The following PDGFD variants were observed in gnomAD, a reference collection of about 807,000 sequenced individuals.
PDGFD encodes the protein platelet-derived growth factor D.
Under a neutral mutation model 44.7 loss-of-function variants are expected in PDGFD, and 30 were observed. The ratio of observed to expected loss-of-function variants is 0.67; its 90% CI spans 0.50 to 0.91. PDGFD has a LOEUF of 0.91. Among genes scored for constraint, PDGFD ranks in the 40% least tolerant of loss-of-function variants. The pLI, the probability that PDGFD is intolerant of heterozygous loss-of-function variation, is 0.00. For synonymous variants in PDGFD, 173 were observed against 168.4 expected, an observed-to-expected ratio of 1.03 and a Z score of -0.21; for missense variants, 445 against 457.8, an observed-to-expected ratio of 0.97 and a Z score of 0.25.
At chr11:104,047,109 G>A (rs1214647330) in intron 1 of PDGFD, among the ~76,000 whole-genome samples, 1 of 147,128 alleles carries the variant, frequency 6.8e-6, no homozygotes, top group African/African-American at 2.5e-5. Context: ...CATGGTATAT[G>A]TTTGCCACAT....
chr11:103,997,237 G>A (rs371610191), intron 2 of PDGFD, among the ~76,000 whole-genome samples: 2 of 152,136 alleles, frequency 1.3e-5, no homozygotes, highest in African/African-American at 4.8e-5. Flanking sequence ...GGCAAATGAT[G>A]GGCATTCAGG....
chr11:104,106,064 C>T (rs1861468153), intron 1 of PDGFD, among the ~76,000 whole-genome samples: 1 of 152,054 alleles, frequency 6.6e-6, no homozygotes. Flanking sequence ...TAAACCAGCA[C>T]CACAGGGAGT....
intron 1 of PDGFD, among the ~76,000 whole-genome samples, chr11:104,120,833 G>A (rs1861768889): frequency 6.6e-6 from 1 of 151,874 alleles, no homozygotes. Flanking sequence ...GCCTACTACT[G>A]TGATTTTTTC....
At chr11:104,142,339 G>A (rs1040804744) in intron 1 of PDGFD, among the ~76,000 whole-genome samples, 4 of 151,688 alleles carry the variant, frequency 2.6e-5, no homozygotes, top group Admixed American at 6.6e-5. Flanking sequence ...ATATGTGTGC[G>A]TGGTGTACAT....
intron 1 of PDGFD, among the ~76,000 whole-genome samples, chr11:104,150,181 G>T (rs932118064): frequency 1.3e-5 from 2 of 152,038 alleles, no homozygotes; most frequent in Admixed American, 1.3e-4. Flanking sequence ...GACACATGAG[G>T]TTAATGAAAA....
chr11:103,960,862 AG>A (rs1858924665), intron 3 of PDGFD, among the ~76,000 whole-genome samples: 1 of 151,906 alleles, frequency 6.6e-6, no homozygotes, highest in African/African-American at 2.4e-5. Flanking sequence ...GTAGAGAGAG[AG>A]AGAGATCTTT....
intron 1 of PDGFD, among the ~76,000 whole-genome samples, chr11:104,088,900 A>C (rs981480954): frequency 6.8e-6 from 1 of 146,708 alleles, no homozygotes; most frequent in Non-Finnish European, 1.5e-5. Context: ...CCTCCACATA[A>C]GCATGAACAA....
At chr11:104,032,884 T>A (rs1167717944) in intron 1 of PDGFD, among the ~76,000 whole-genome samples, 1 of 152,010 alleles carries the variant, frequency 6.6e-6, no homozygotes, top group Non-Finnish European at 1.5e-5. Context: ...TATATTGTAC[T>A]TACTAAGGGA....
chr11:104,147,326 A>G (rs1398766345), intron 1 of PDGFD, among the ~76,000 whole-genome samples: 1 of 152,198 alleles, frequency 6.6e-6, no homozygotes, highest in Non-Finnish European at 1.5e-5. Context: ...GCATCATTAT[A>G]TATGAGCCTG....
chr11:104,059,063 G>A (rs555714941), intron 1 of PDGFD, among the ~76,000 whole-genome samples: 19 of 152,308 alleles, frequency 1.2e-4, no homozygotes, highest in African/African-American at 4.6e-4. Flanking sequence ...GATTGTGGTG[G>A]TGGTGACACA....
intron 1 of PDGFD, among the ~76,000 whole-genome samples, chr11:104,114,829 C>G (rs1178490088): frequency 6.6e-6 from 1 of 150,774 alleles, no homozygotes; most frequent in South Asian, 2.1e-4. Context: ...TAGATGTATA[C>G]TTAAGTATTT....
At chr11:104,009,844 T>C (rs1859756486) in intron 1 of PDGFD, among the ~76,000 whole-genome samples, 1 of 152,144 alleles carries the variant, frequency 6.6e-6, no homozygotes, top group African/African-American at 2.4e-5. Context: ...TTTTCAGCTT[T>C]TTCCCCCTAG....
chr11:104,125,771 C>T (rs1861833501), intron 1 of PDGFD, among the ~76,000 whole-genome samples: 1 of 152,084 alleles, frequency 6.6e-6, no homozygotes, highest in Non-Finnish European at 1.5e-5. Context: ...AAATATCAAA[C>T]TTCCTATAAT....
intron 1 of PDGFD, among the ~76,000 whole-genome samples, chr11:104,030,352 G>C (rs1051904535): frequency 6.6e-6 from 1 of 152,138 alleles, no homozygotes; most frequent in Non-Finnish European, 1.5e-5. Flanking sequence ...ATCTTAATAG[G>C]CTGGAGAATA....
intron 3 of PDGFD, among the ~76,000 whole-genome samples, chr11:103,954,491 T>C (rs1858807830): frequency 6.6e-6 from 1 of 152,188 alleles, no homozygotes; most frequent in African/African-American, 2.4e-5. Context: ...TTTATTTGAG[T>C]AGATAAGCCA....
At chr11:104,151,504 G>A (rs1337850660) in intron 1 of PDGFD, among the ~76,000 whole-genome samples, 4 of 152,002 alleles carry the variant, frequency 2.6e-5, no homozygotes, top group Admixed American at 6.6e-5. Flanking sequence ...ATGAGACTTC[G>A]TTAGTTTAAT....
rs114418042 is a variant in PDGFD, at chr11:104,032,788, G to A, written c.125-32533C>T. On this transcript the variant is annotated intron_variant, in intron 1 of 6. Transcript: ENST00000393158. ...ATCTCTTCTGTTTTCTGGGCATTTAGGCCATACAATTAGAATTGATTTCTG... is the reference window on the plus strand; with the variant it reads ...ATCTCTTCTGTTTTCTGGGCATTTAAGCCATACAATTAGAATTGATTTCTG... Among the ~76,000 whole-genome samples, 400 of 151,714 alleles carry A rather than the reference G, an allele frequency of 2.6e-3. 2 individuals carry two copies. The highest frequency in any genetic ancestry group is 9.4e-3 in the African/African-American group (389 of 41,398).
chr11:103,934,110 A>G (rs1591082796), intron 5 of PDGFD, among the ~76,000 whole-genome samples: 1 of 152,238 alleles, frequency 6.6e-6, no homozygotes, highest in African/African-American at 2.4e-5. Flanking sequence ...CAACAAGGCC[A>G]AGTTCATGTC....
At chr11:104,015,904 T>G (rs1006767451) in intron 1 of PDGFD, among the ~76,000 whole-genome samples, 2 of 152,150 alleles carry the variant, frequency 1.3e-5, no homozygotes, top group Non-Finnish European at 2.9e-5. Flanking sequence ...TGACAGCTGG[T>G]TTTTACTATC....
Sources: allele counts gnomAD v4.1 joint callset (sites outside exome capture counted in the v4.1 genomes callset), GRCh38; gene constraint gnomAD v4.1.1; transcripts MANE v1.5; gene names NCBI Gene and HGNC (gene_info 2026-07-23, HGNC 2026-07-21).